The following GRIN3B variants were observed in gnomAD, a reference collection of about 807,000 sequenced individuals.
The protein encoded by GRIN3B is glutamate receptor ionotropic, NMDA 3B.
Under a neutral mutation model 66.0 loss-of-function variants are expected in GRIN3B, and 77 were observed. The observed-to-expected ratio is 1.17, with a 90% CI of 0.97 to 1.41. GRIN3B has a LOEUF of 1.41. Among genes scored for constraint, GRIN3B ranks in the 40% most tolerant of loss-of-function variants. The pLI, the probability that GRIN3B is intolerant of heterozygous loss-of-function variation, is 0.00. For missense variants in GRIN3B, 1,787 were observed against 1,564.5 expected, an observed-to-expected ratio of 1.14 and a Z score of -2.40; for synonymous variants, 823 against 749.7, an observed-to-expected ratio of 1.10 and a Z score of -1.60.
intron 1 of GRIN3B, among the ~76,000 whole-genome samples, chr19:1,001,658 C>T (rs2038685655): frequency 6.6e-6 from 1 of 152,176 alleles, no homozygotes; most frequent in South Asian, 2.1e-4. Flanking sequence ...CCAGCTGCCC[C>T]TCCTTCCCAA....
Position 1,000,858 on chromosome 19 carries a change from G to A in GRIN3B, c.421G>A (p.Ala141Thr). The A allele has an allele frequency of 1.4e-6, 2 of 1,412,528 alleles. No individual in the cohort carries two copies. Among genetic ancestry groups the A allele is most frequent in the Non-Finnish European group, 1.8e-6 (2 of 1,087,932 alleles). 87.5% of individuals were successfully genotyped at this position (1,412,528 alleles called of 1,614,324 possible). A position where few individuals can be genotyped will look rare whatever the true frequency, so the allele number is the denominator to read the frequency against. ...GCGGGAGGCGCGCGCGCCCCTCGGA[G>A]CCCCGGTACGCGGGACGCCCGGAGT... The part of the protein sequence containing the change: ...LRREARAPLG[A>T]PNPFHLQLHW... The change falls in exon 1 of 9, where the codon GCC (alanine) becomes ACC (threonine). Residue 141 changes from alanine (A) to threonine (T), a missense_variant. By Grantham distance (58) the Ala-to-Thr change is moderately conservative. Transcript: ENST00000234389.
chr19:1,009,668 G>A lies in GRIN3B; in HGVS notation c.*66G>A. On this transcript the variant is annotated 3_prime_UTR_variant, in exon 9 of 9. Coordinates refer to ENST00000234389, the MANE Select transcript of GRIN3B (RefSeq NM_138690.3). ...CGCAGTGAGCCGCTGTCAACAGACA[G>A]TTTATTCTATATACAAACACAATTT... 13 of 1,248,764 alleles carry A rather than the reference G, an allele frequency of 1.0e-5. No homozygotes were observed. The highest frequency in any genetic ancestry group is 1.3e-5 in the Non-Finnish European group (13 of 964,088). The allele number at this position is 1,248,764 out of a possible 1,614,324, so 77.4% of individuals were successfully genotyped here. A position where few individuals can be genotyped will look rare whatever the true frequency, so the allele number is the denominator to read the frequency against.
rs984994678 is a variant in GRIN3B at position 1,003,055 on chromosome 19, C to T, written c.427-75C>T. The T allele has an allele frequency of 3.3e-5, 35 of 1,073,646 alleles. No homozygotes were observed. The Admixed American group carries it at 1.0e-3, about 31-fold the overall frequency. 66.5% of individuals were successfully genotyped at this position (1,073,646 alleles called of 1,614,324 possible). Reference sequence around the variant, plus strand: ...ATCCAGCTGGCATCTACTTGCGGATCACCCGCTGCTGGGGTGGGAAGGGTT... The same window carrying T: ...ATCCAGCTGGCATCTACTTGCGGATTACCCGCTGCTGGGGTGGGAAGGGTT... On this transcript the variant is annotated intron_variant, in intron 1 of 8. Transcript: ENST00000234389.
Position 1,004,617 on chromosome 19 carries a change from C to A in GRIN3B, c.1116C>A (p.Ser372Arg). Residue 372 changes from serine to arginine, a missense_variant, in exon 3 of 9, where the codon AGC becomes AGA. Transcript: ENST00000234389. ...VHMSRHFKVW[S>R]LRRDPRGAPA... ...TGTCTCGGCACTTTAAGGTGTGGAG[C>A]CTTCGCCGGGACCCACGGGGCGCCC... is the stretch of plus-strand genomic sequence containing the variant. The A allele has an allele frequency of 6.2e-7, 1 of 1,604,390 alleles. No individual in the cohort carries two copies. The highest frequency in any genetic ancestry group is 1.1e-5 in the South Asian group (1 of 89,998).
intron 1 of GRIN3B, among the ~76,000 whole-genome samples, chr19:1,001,200 C>T (rs1443437375): frequency 1.3e-5 from 2 of 152,082 alleles, no homozygotes; most frequent in Non-Finnish European, 2.9e-5. Context: ...TTGCCCAGGC[C>T]CCTTCCCTCC....
At chr19:1,006,559 A>C (rs1294639717) in intron 3 of GRIN3B, among the ~76,000 whole-genome samples, 1 of 152,058 alleles carries the variant, frequency 6.6e-6, no homozygotes, top group Non-Finnish European at 1.5e-5. Context: ...CTCCTGCCTC[A>C]GCCTCCCACA....
Position 1,005,483 on chromosome 19 carries a change from C to T in GRIN3B, c.1982C>T (p.Thr661Met), listed in dbSNP as rs778778958. 28 of 1,613,138 alleles carry T rather than the reference C, an allele frequency of 1.7e-5. No homozygotes were observed. Among genetic ancestry groups the T allele is most frequent in the African/African-American group, 1.2e-4 (9 of 74,902 alleles). The change falls in exon 3 of 9, where the codon ACG (threonine) becomes ATG (methionine). Residue 661 changes from threonine to methionine, a missense_variant. Thr to Met is a moderately conservative substitution (Grantham distance 81, BLOSUM62 -1). Coordinates refer to ENST00000234389, the MANE Select transcript of GRIN3B (RefSeq NM_138690.3). The surrounding 1 kb of genome is among the most constrained non-coding windows in gnomAD (Gnocchi z 5.2). ...TGCCTGCTGGTGCTGTCCAGCTACA[C>T]GGCCAACCTGGCTGCCGTCATGGTC... is the stretch of plus-strand genomic sequence containing the variant. ...IFCLLVLSSYTANLAAVMVGD... is the reference protein window; with the variant it reads ...IFCLLVLSSYMANLAAVMVGD...
intron 1 of GRIN3B, 93 bp from the exon 2 acceptor site, chr19:1,003,037 T>C: frequency 2.4e-6 from 2 of 829,326 alleles, no homozygotes; most frequent in African/African-American, 1.8e-5. Flanking sequence ...GCCATCCAGC[T>C]GGCATCTACT....
intron 1 of GRIN3B, chr19:1,002,902 G>A: frequency 7.1e-6 from 3 of 420,894 alleles, no homozygotes; most frequent in Non-Finnish European, 8.4e-6. Flanking sequence ...CACCAAGTGT[G>A]CCCATGACAA....
rs762373663 is a variant in GRIN3B, at chr19:1,005,298, C to A, written c.1797C>A (p.Ser599Arg). 6 of 1,613,630 alleles carry A rather than the reference C, an allele frequency of 3.7e-6. No homozygotes were observed. Among genetic ancestry groups the A allele is most frequent in the Non-Finnish European group, 4.2e-6 (5 of 1,179,992 alleles). The change falls in exon 3 of 9, where the codon AGC (serine) becomes AGA (arginine). Residue 599 changes from serine (S) to arginine (R), a missense_variant. Ser to Arg is a moderately radical substitution (Grantham distance 110). Coordinates refer to ENST00000234389, the MANE Select transcript of GRIN3B (RefSeq NM_138690.3). This position sits in a 1 kb window ranked among gnomAD's most constrained non-coding sequence, Gnocchi z 5.2. ...ALFLTVYEWR[S>R]PYGLTPRGRN... ...TCCTCACCGTGTACGAGTGGCGTAGCCCCTACGGCCTCACGCCACGTGGCC... is the reference window on the plus strand; with the variant it reads ...TCCTCACCGTGTACGAGTGGCGTAGACCCTACGGCCTCACGCCACGTGGCC...
Position 1,008,218 on chromosome 19 carries a change from G to A in GRIN3B, c.2393G>A (p.Gly798Asp), listed in dbSNP as rs778478219. ...SEFISRYKSS[G>D]FIDLLHDKWY... is the part of the protein sequence containing the mutation. The stretch of plus-strand genomic sequence containing the variant: ...TTCATCAGCCGCTACAAGTCCTCCG[G>A]CTTCATCGACCTGCTCCACGACAAG... Residue 798 changes from glycine to aspartate, a missense_variant, in exon 6 of 9, where the codon GGC becomes GAC. Physicochemically the swap from Gly to Asp is moderately conservative, Grantham distance 94. Coordinates refer to ENST00000234389, the MANE Select transcript of GRIN3B (RefSeq NM_138690.3). 210 of 1,612,096 alleles carry A rather than the reference G, an allele frequency of 1.3e-4. No individual in the cohort carries two copies. Among genetic ancestry groups the A allele is most frequent in the Non-Finnish European group, 1.7e-4 (203 of 1,179,588 alleles).
At position 1,004,695 on chromosome 19, in the gene GRIN3B, G is replaced by T. The variant is rs370586596; in HGVS notation, c.1194G>T (p.Pro398=). Residue 398 remains proline (P), a synonymous_variant, in exon 3 of 9, where the codon CCG becomes CCT. Coordinates refer to ENST00000234389, the MANE Select transcript of GRIN3B (RefSeq NM_138690.3). ...GGGACGGCCAGCTGGACTTGGAACC[G>T]GGAGGTGCCTCTGCACGGCCCCCGC... The part of the protein sequence containing the change: ...SWRDGQLDLE[P]GGASARPPPP... 8.1e-6 allele frequency: 13 copies of T among 1,602,838 alleles called. No individual in the cohort carries two copies. The African/African-American group carries it at 1.6e-4, about 20-fold the overall frequency.
At chr19:1,008,525 T>C (rs2038788422) in intron 6 of GRIN3B, 93 bp from the exon 7 acceptor site, 1 of 1,443,634 alleles carries the variant, frequency 6.9e-7, no homozygotes, top group Non-Finnish European at 9.3e-7. Context: ...CCCAAGCCCC[T>C]CTCTCTGGCC....
chr19:1,008,882 A>T lies in GRIN3B; in HGVS notation c.2657A>T (p.Glu886Val). ...SQKIHRALNT[E>V]PPEGSKEETA... ...AAAATCCACCGCGCCCTCAACACGG[A>T]GCCACCAGAGGGGTCGAAGGAGGAG... Residue 886 changes from glutamate to valine, a missense_variant, in exon 8 of 9, where the codon GAG becomes GTG. By Grantham distance (121) the Glu-to-Val change is moderately radical. Coordinates refer to ENST00000234389, the MANE Select transcript of GRIN3B (RefSeq NM_138690.3). 1.2e-6 allele frequency: 2 copies of T among 1,610,318 alleles called. No homozygotes were observed. The highest frequency in any genetic ancestry group is 2.2e-5 in the East Asian group (1 of 44,740).
intron 7 of GRIN3B, 28 bp from the exon 8 acceptor site, chr19:1,008,829 C>G: frequency 6.3e-7 from 1 of 1,594,560 alleles, no homozygotes; most frequent in Non-Finnish European, 8.5e-7. Context: ...CCCGCCTCCT[C>G]GCCAACCGGG....
intron 3 of GRIN3B, among the ~76,000 whole-genome samples, chr19:1,006,925 C>T (rs1247763681): frequency 6.6e-6 from 1 of 152,170 alleles, no homozygotes; most frequent in Non-Finnish European, 1.5e-5. Context: ...GTGGGGAGGC[C>T]GTGGCTGGTG....
In GRIN3B at chr19:1,005,210, T is replaced by C. The variant is rs750803476; in HGVS notation, c.1709T>C (p.Met570Thr). Residue 570 changes from methionine to threonine, a missense_variant, in exon 3 of 9, where the codon ATG (methionine) becomes ACG (threonine). By Grantham distance (81) the Met-to-Thr change is moderately conservative. Transcript: ENST00000234389. This position sits in a 1 kb window ranked among gnomAD's most constrained non-coding sequence, Gnocchi z 5.2. ...ACGGCCTCACCCATCGGTGCCTTTA[T>C]GTGGCCCCTGCACTGGTCCACGTGG... ...RDTASPIGAF[M>T]WPLHWSTWLG... 2 of 1,613,588 alleles carry C rather than the reference T, an allele frequency of 1.2e-6. No homozygotes were observed. The highest frequency in any genetic ancestry group is 1.7e-6 in the Non-Finnish European group (2 of 1,179,946).
Position 1,003,559 on chromosome 19 carries a change from C to T in GRIN3B, c.856C>T (p.Arg286Ter), listed in dbSNP as rs547921611. The T allele has an allele frequency of 2.2e-5, 34 of 1,511,556 alleles. No individual in the cohort carries two copies. In the Middle Eastern group the frequency reaches 8.7e-4, roughly 39 times the overall value. 93.6% of individuals were successfully genotyped at this position (1,511,556 alleles called of 1,614,324 possible). ...PGLLALGEVA[R>*]PPLEAAIHDI... ...GCTGCTGGCGCTGGGCGAGGTGGCACGACCCCCGCTGGAGGCCGCCATCCA... is the reference window on the plus strand; with the variant it reads ...GCTGCTGGCGCTGGGCGAGGTGGCATGACCCCCGCTGGAGGCCGCCATCCA... The change falls in exon 2 of 9, where the codon CGA becomes TGA. Residue 286 changes from arginine (R) to a stop codon, truncating the protein, a stop_gained. Coordinates refer to ENST00000234389, the MANE Select transcript of GRIN3B (RefSeq NM_138690.3). LOFTEE classifies it high-confidence loss of function.
intron 3 of GRIN3B, among the ~76,000 whole-genome samples, chr19:1,006,438 C>G (rs1159321024): frequency 1.3e-5 from 2 of 152,074 alleles, no homozygotes; most frequent in Non-Finnish European, 2.9e-5. Flanking sequence ...GCCACCACAT[C>G]TGGCCCGTAT....
Sources: gnomAD v4.1 joint callset for allele counts (sites outside exome capture counted in the v4.1 genomes callset) on GRCh38, gnomAD v4.1.1 for gene constraint, Gnocchi (gnomAD v3.1) non-coding constraint, MANE v1.5 for transcripts, NCBI Gene and HGNC (gene_info 2026-07-23, HGNC 2026-07-21) for gene names.